Variants in PPP1R9A observed in about 807,000 individuals in gnomAD.
The protein encoded by PPP1R9A is protein phosphatase 1 regulatory subunit 9A, also known as neurabin-1.
A neutral mutation model predicts 141.9 loss-of-function variants in PPP1R9A; 59 were observed. The ratio of observed to expected loss-of-function variants is 0.42; its 90% CI spans 0.34 to 0.52. PPP1R9A has a LOEUF of 0.52. PPP1R9A is among the 20% of genes least tolerant of loss of function. The pLI is 0.10. For synonymous variants in PPP1R9A, 500 were observed against 569.7 expected, an observed-to-expected ratio of 0.88 and a Z score of 1.74; for missense variants, 1,444 against 1,611.9, an observed-to-expected ratio of 0.90 and a Z score of 1.78.
At chr7:95,156,596 A>T (rs1240618912) in intron 4 of PPP1R9A, 1 of 152,238 alleles carries the variant, frequency 6.6e-6, no homozygotes, top group Non-Finnish European at 1.5e-5. Flanking sequence ...CACACAGGAG[A>T]CCTGCAGAGG....
At chr7:95,088,069 G>A (rs1816870360) in intron 2 of PPP1R9A, among the ~76,000 whole-genome samples, 1 of 151,946 alleles carries the variant, frequency 6.6e-6, no homozygotes, top group East Asian at 1.9e-4. Flanking sequence ...TATTGTTTGA[G>A]CTTTATTCTG....
Position 95,273,983 on chromosome 7 carries a change from TG to T in PPP1R9A, c.3212+1del. The part of the protein sequence containing the change: ...GGKIKRKFVD[L>X]GAPLRRNSSK... ...AAAATTAAGCGGAAGTTTGTGGATCTGGGGTAAGCACTTCACGATGTAAAAA... is the reference window on the plus strand; with the variant it reads ...AAAATTAAGCGGAAGTTTGTGGATCTGGGTAAGCACTTCACGATGTAAAAA... On this transcript the variant is annotated frameshift_variant and splice_region_variant, in exon 15 of 20. Coordinates refer to ENST00000433360, the MANE Select transcript of PPP1R9A (RefSeq NM_001166160.2). LOFTEE classifies it high-confidence loss of function. 6.6e-7 allele frequency: 1 copy of T among 1,504,152 alleles called. No individual in the cohort carries two copies. The allele number at this position is 1,504,152 out of a possible 1,614,324, so 93.2% of individuals were successfully genotyped here. A position where few individuals can be genotyped will look rare whatever the true frequency, so the allele number is the denominator to read the frequency against.
chr7:94,937,367 C>T (rs10282116), intron 2 of PPP1R9A, among the ~76,000 whole-genome samples: 50,253 of 152,034 alleles, frequency 0.33, 9,301 homozygotes, highest in South Asian at 0.48. Context: ...GTTATATCCT[C>T]AGCACTGAGC....
chr7:95,009,372 T>A (rs966476773), intron 2 of PPP1R9A, among the ~76,000 whole-genome samples: 2 of 152,212 alleles, frequency 1.3e-5, no homozygotes, highest in Admixed American at 1.3e-4. Flanking sequence ...TTGACAGGGA[T>A]GATAGCATTG....
intron 7 of PPP1R9A, among the ~76,000 whole-genome samples, chr7:95,216,722 T>G (rs1012779757): frequency 1.3e-5 from 2 of 152,202 alleles, no homozygotes; most frequent in Non-Finnish European, 2.9e-5. Context: ...TTATTCTCTT[T>G]GAACCAATTG....
chr7:95,077,519 C>T (rs1390633768), intron 2 of PPP1R9A, among the ~76,000 whole-genome samples: 11 of 151,970 alleles, frequency 7.2e-5, no homozygotes, highest in African/African-American at 2.7e-4. Flanking sequence ...TAAAGGATTT[C>T]TTTCCATAGT....
chr7:95,076,322 C>T (rs1814853317), intron 2 of PPP1R9A, among the ~76,000 whole-genome samples: 1 of 152,192 alleles, frequency 6.6e-6, no homozygotes, highest in African/African-American at 2.4e-5. Context: ...TTCACAGACT[C>T]ACATGGTGAA....
chr7:94,938,810 CT>C (rs1358912707), intron 2 of PPP1R9A, among the ~76,000 whole-genome samples: 2 of 152,072 alleles, frequency 1.3e-5, no homozygotes, highest in African/African-American at 4.8e-5. Context: ...CTCTAAGTTC[CT>C]TTTTGGGGGG....
intron 6 of PPP1R9A, among the ~76,000 whole-genome samples, chr7:95,198,706 A>G (rs1836650020): frequency 6.6e-6 from 1 of 152,224 alleles, no homozygotes. Flanking sequence ...GGACACAAAT[A>G]AGTCTTATCT....
chr7:95,108,378 G>T (rs1202570897), intron 2 of PPP1R9A, among the ~76,000 whole-genome samples: 1 of 139,354 alleles, frequency 7.2e-6, no homozygotes. Flanking sequence ...CAGTGGCGCG[G>T]GAGCTCACTG....
intron 2 of PPP1R9A, among the ~76,000 whole-genome samples, chr7:94,925,523 GA>G (rs1399138252): frequency 6.6e-6 from 1 of 152,040 alleles, no homozygotes; most frequent in Non-Finnish European, 1.5e-5. Flanking sequence ...CTCATTCTTA[GA>G]AAATTTGCTG....
At chr7:95,166,480 G>A (rs577694247) in intron 5 of PPP1R9A, among the ~76,000 whole-genome samples, 3 of 152,246 alleles carry the variant, frequency 2.0e-5, no homozygotes, top group Non-Finnish European at 2.9e-5. Flanking sequence ...TAGAAAACTG[G>A]AACAGACCAA....
chr7:95,014,825 GACTT>G (rs1448009850), intron 2 of PPP1R9A, among the ~76,000 whole-genome samples: 1 of 151,940 alleles, frequency 6.6e-6, no homozygotes, highest in African/African-American at 2.4e-5. Context: ...TTTGCTTACT[GACTT>G]ATTTATTTAT....
chr7:95,062,274 T>C (rs567477735), intron 2 of PPP1R9A, among the ~76,000 whole-genome samples: 1 of 152,262 alleles, frequency 6.6e-6, no homozygotes, highest in Non-Finnish European at 1.5e-5. Context: ...TGAAGTCACA[T>C]GACAGTTCAC....
At chr7:95,164,813 T>C (rs965685435) in intron 5 of PPP1R9A, among the ~76,000 whole-genome samples, 2 of 151,550 alleles carry the variant, frequency 1.3e-5, no homozygotes, top group Non-Finnish European at 2.9e-5. Context: ...TTTTCTGTTT[T>C]TATTTCTAGC....
At chr7:95,114,247 A>G (rs1233664153) in intron 3 of PPP1R9A, among the ~76,000 whole-genome samples, 1 of 152,234 alleles carries the variant, frequency 6.6e-6, no homozygotes, top group African/African-American at 2.4e-5. Context: ...ATCGAGGGAA[A>G]GTAAAAATAG....
chr7:94,919,301 A>ATTTTTTTTTTT (rs757456894), intron 2 of PPP1R9A, among the ~76,000 whole-genome samples: 4 of 106,202 alleles, frequency 3.8e-5, no homozygotes, highest in Non-Finnish European at 3.8e-5. Context: ...GGATAATTAC[A>ATTTTTTTTTTT]TTTTTTTTTT....
intron 2 of PPP1R9A, among the ~76,000 whole-genome samples, chr7:94,940,367 A>T (rs1354462799): frequency 6.7e-6 from 1 of 150,088 alleles, no homozygotes; most frequent in Non-Finnish European, 1.5e-5. Context: ...ATTTTTTTTT[A>T]AGTACAGCTC....
intron 10 of PPP1R9A, 102 bp downstream of exon 10, chr7:95,250,357 A>C (rs1463797429): frequency 2.1e-5 from 22 of 1,040,640 alleles, no homozygotes; most frequent in Middle Eastern, 2.9e-4. Flanking sequence ...ATGACCTTAG[A>C]GATATCTTTC....
Sources: gnomAD v4.1 joint callset for allele counts (sites outside exome capture counted in the v4.1 genomes callset) on GRCh38, gnomAD v4.1.1 for gene constraint, MANE v1.5 for transcripts, NCBI Gene and HGNC (gene_info 2026-07-23, HGNC 2026-07-21) for gene names.